Variants in EYS observed in about 807,000 individuals in gnomAD.
EYS encodes the protein EGF-like photoreceptor maintenance factor, also known as protein eyes shut homolog.
In EYS, 250 loss-of-function variants were observed where a neutral mutation model predicts 282.1. The ratio of observed to expected loss-of-function variants is 0.89; its 90% CI spans 0.80 to 0.98. EYS has a LOEUF of 0.98. Ranked by LOEUF, EYS falls within the 50% of genes least tolerant of loss-of-function variation. EYS has a pLI of 0.00. For missense variants in EYS, 4,016 were observed against 3,709.0 expected, an observed-to-expected ratio of 1.08 and a Z score of -2.15; for synonymous variants, 1,355 against 1,282.9, an observed-to-expected ratio of 1.06 and a Z score of -1.20.
chr6:65,123,700 G>C (rs1775632187), intron 12 of EYS, among the ~76,000 whole-genome samples: 1 of 151,332 alleles, frequency 6.6e-6, no homozygotes, highest in Admixed American at 6.6e-5. Flanking sequence ...ACTTCCAATT[G>C]GTGGCTATTT....
At chr6:65,013,577 A>C in intron 13 of EYS, among the ~76,000 whole-genome samples, 1 of 152,112 alleles carries the variant, frequency 6.6e-6, no homozygotes, top group Admixed American at 6.5e-5. Context: ...TAATTCCCTC[A>C]CTTTAAATGT....
chr6:64,989,470 T>TATATATATATAAGA (rs931755018), intron 14 of EYS, among the ~76,000 whole-genome samples: 1 of 131,608 alleles, frequency 7.6e-6, no homozygotes, highest in African/African-American at 3.0e-5. Flanking sequence ...GTAATATATA[T>TATATATATATAAGA]ATATATATAT....
intron 11 of EYS, among the ~76,000 whole-genome samples, chr6:65,311,001 G>A (rs1354010088): frequency 2.0e-5 from 3 of 152,082 alleles, no homozygotes; most frequent in Middle Eastern, 3.4e-3. Context: ...GCACATAATC[G>A]ATACCCATTA....
In EYS at chr6:64,448,100, T is replaced by G. The variant is rs139753546; in HGVS notation, c.5645-8748A>C. On this transcript the variant is annotated intron_variant, in intron 26 of 42. Transcript: ENST00000503581. ...AGCGCAGGGGGTCAGGGAATTCCCT[T>G]TCCTAGTCAAAGAAAGGGGTGACAG... Among the ~76,000 whole-genome samples, 1,110 of 152,298 alleles carry G rather than the reference T, an allele frequency of 7.3e-3. 8 individuals carry two copies. Among genetic ancestry groups the G allele is most frequent in the African/African-American group, 0.026 (1,065 of 41,560 alleles).
intron 12 of EYS, among the ~76,000 whole-genome samples, chr6:65,246,148 T>C (rs539456532): frequency 6.6e-6 from 1 of 152,264 alleles, no homozygotes; most frequent in Non-Finnish European, 1.5e-5. Flanking sequence ...GCAATAATTA[T>C]CACATGGTGT....
At chr6:65,169,641 T>C (rs1765057669) in intron 12 of EYS, among the ~76,000 whole-genome samples, 2 of 151,386 alleles carry the variant, frequency 1.3e-5, no homozygotes, top group South Asian at 4.1e-4. Flanking sequence ...CATAAGACTG[T>C]GTGGAAACTT....
At chr6:64,630,571 T>C (rs1400251887) in intron 22 of EYS, among the ~76,000 whole-genome samples, 4 of 152,238 alleles carry the variant, frequency 2.6e-5, no homozygotes, top group East Asian at 1.9e-4. Flanking sequence ...GTATTTTTCT[T>C]GATCAAGTGT....
chr6:65,616,160 G>A (rs969720319), intron 2 of EYS, among the ~76,000 whole-genome samples: 2 of 151,824 alleles, frequency 1.3e-5, no homozygotes, highest in Admixed American at 6.6e-5. Context: ...AATTTTTAAA[G>A]CCAGCTTTTA....
At chr6:64,921,184 G>A (rs1768336780) in intron 15 of EYS, among the ~76,000 whole-genome samples, 1 of 152,064 alleles carries the variant, frequency 6.6e-6, no homozygotes, top group African/African-American at 2.4e-5. Context: ...CAGACTATAT[G>A]CATATAACAC....
At chr6:65,270,566 A>G (rs955412750) in intron 12 of EYS, among the ~76,000 whole-genome samples, 8 of 152,164 alleles carry the variant, frequency 5.3e-5, no homozygotes, top group African/African-American at 9.7e-5. Flanking sequence ...AATTTTCTCA[A>G]TATTTAATTT....
In EYS at chr6:64,101,060, T is replaced by C. The variant is rs1772809395; in HGVS notation, c.6425-19058A>G. Among the ~76,000 whole-genome samples, 4 of 152,332 alleles carry C rather than the reference T, an allele frequency of 2.6e-5. No individual in the cohort carries two copies. In the South Asian group the frequency reaches 8.3e-4, roughly 32 times the overall value. On this transcript the variant is annotated intron_variant, in intron 31 of 42. Coordinates refer to ENST00000503581, the MANE Select transcript of EYS (RefSeq NM_001142800.2). Reference sequence around the variant, plus strand: ...AAACCAGCAAATGTTGTGGTATCACTGTCTGTCATGCTTTTAAAAACGGAT... The same window carrying C: ...AAACCAGCAAATGTTGTGGTATCACCGTCTGTCATGCTTTTAAAAACGGAT...
chr6:63,828,724 G>A (rs1771540944), intron 36 of EYS, among the ~76,000 whole-genome samples: 1 of 152,114 alleles, frequency 6.6e-6, no homozygotes, highest in Admixed American at 6.5e-5. Flanking sequence ...CATTACTAGT[G>A]ATCAGGTAAA....
intron 30 of EYS, among the ~76,000 whole-genome samples, chr6:64,251,261 T>C (rs1281147066): frequency 6.6e-6 from 1 of 152,186 alleles, no homozygotes; most frequent in Admixed American, 6.6e-5. Context: ...GGTAGATTTG[T>C]TTAATAAGCT....
At chr6:63,837,956 T>C (rs1340722537) in intron 36 of EYS, among the ~76,000 whole-genome samples, 2 of 152,180 alleles carry the variant, frequency 1.3e-5, no homozygotes, top group South Asian at 4.1e-4. Context: ...AGATTTTGGA[T>C]GATGAATTTA....
At chr6:65,026,437 A>C (rs1019300543) in intron 13 of EYS, among the ~76,000 whole-genome samples, 2 of 152,202 alleles carry the variant, frequency 1.3e-5, no homozygotes, top group African/African-American at 4.8e-5. Context: ...TGAAAAAAAG[A>C]CCAGGGGTAT....
At chr6:63,989,040 T>A (rs1289270679) in intron 34 of EYS, among the ~76,000 whole-genome samples, 3 of 151,632 alleles carry the variant, frequency 2.0e-5, no homozygotes, top group African/African-American at 7.2e-5. Context: ...AATGACATCC[T>A]GATTTAATGT....
At chr6:63,921,886 C>A (rs891866762) in intron 35 of EYS, among the ~76,000 whole-genome samples, 16 of 152,208 alleles carry the variant, frequency 1.1e-4, no homozygotes, top group African/African-American at 3.6e-4. Context: ...CAAAAAATGG[C>A]ATTATTAACA....
chr6:64,763,647 A>C (rs1029107156), intron 22 of EYS, among the ~76,000 whole-genome samples: 3 of 152,174 alleles, frequency 2.0e-5, no homozygotes, highest in African/African-American at 7.2e-5. Context: ...CCATCCCAAC[A>C]GTCCCCCAAT....
At chr6:65,590,361 G>A (rs139248180) in intron 2 of EYS, among the ~76,000 whole-genome samples, 22 of 151,968 alleles carry the variant, frequency 1.4e-4, no homozygotes, top group East Asian at 1.2e-3. Context: ...TAACTGACAC[G>A]TAATATTTAT....
Sources: allele counts gnomAD v4.1 joint callset (sites outside exome capture counted in the v4.1 genomes callset), GRCh38; gene constraint gnomAD v4.1.1; transcripts MANE v1.5; gene names NCBI Gene and HGNC (gene_info 2026-07-23, HGNC 2026-07-21).